IRS1: variants seen among roughly 807,000 people sequenced by gnomAD.
IRS1 encodes insulin receptor substrate 1.
A neutral mutation model predicts 65.6 loss-of-function variants in IRS1; 34 were observed. The observed-to-expected ratio is 0.52, with a 90% confidence interval of 0.39 to 0.69. IRS1 has a LOEUF of 0.69. Among genes scored for constraint, IRS1 ranks in the 30% least tolerant of loss-of-function variants. The pLI, the probability that IRS1 is intolerant of heterozygous loss-of-function variation, is 0.00. For synonymous variants in IRS1, 699 were observed against 683.5 expected (o/e 1.02, Z -0.35); for missense variants, 1,641 against 1,720.2 (o/e 0.95, Z 0.81).
In IRS1 at chr2:226,798,573, T is replaced by A; in HGVS notation, c.166A>T (p.Lys56Ter). The A allele has an allele frequency of 6.2e-7, 1 of 1,613,810 alleles. No individual in the cohort carries two copies. Among genetic ancestry groups the A allele is most frequent in the Non-Finnish European group, 8.5e-7 (1 of 1,180,002 alleles). Reference sequence around the variant, plus strand: ...ATCGAGCGTTTGGGGGCGCTCGACTTGTGCCGCCACTTCTTCTCGTTCTCG... The same window carrying A: ...ATCGAGCGTTTGGGGGCGCTCGACTAGTGCCGCCACTTCTTCTCGTTCTCG... ...YYENEKKWRH[K>*]SSAPKRSIPL... Residue 56 changes from lysine to a stop codon, truncating the protein, a stop_gained, in exon 1 of 2, where the codon AAG becomes TAG. Transcript: ENST00000305123. LOFTEE classifies it high-confidence loss of function. The surrounding 1 kb of genome is among the most constrained non-coding windows in gnomAD (Gnocchi z 9.4).
At chr2:226,770,561 AAATG>A (rs1939143190) in intron 1 of IRS1, among the ~76,000 whole-genome samples, 3 of 152,254 alleles carry the variant, frequency 2.0e-5, no homozygotes, top group Admixed American at 1.3e-4. Flanking sequence ...TTTGAGGATC[AAATG>A]AATGAACAAT....
chr2:226,784,583 C>A (rs1939452586), intron 1 of IRS1, among the ~76,000 whole-genome samples: 1 of 152,114 alleles, frequency 6.6e-6, no homozygotes, highest in African/African-American at 2.4e-5. Context: ...CCACCACGTG[C>A]AGCTAATTTT....
chr2:226,766,710 C>T (rs944523844), intron 1 of IRS1, among the ~76,000 whole-genome samples: 3 of 152,070 alleles, frequency 2.0e-5, no homozygotes, highest in African/African-American at 7.2e-5. Context: ...AGATAATAAG[C>T]AAGGGCAGAG....
intron 1 of IRS1, among the ~76,000 whole-genome samples, chr2:226,757,671 T>TTA: frequency 6.6e-6 from 1 of 152,230 alleles, no homozygotes; most frequent in Non-Finnish European, 1.5e-5. Context: ...ATGTGTTTCC[T>TTA]ACACTTATAA....
intron 1 of IRS1, among the ~76,000 whole-genome samples, chr2:226,749,901 T>C (rs78762837): frequency 0.083 from 12,568 of 152,074 alleles, 672 homozygotes; most frequent in East Asian, 0.18. Flanking sequence ...TCAAAAAGTC[T>C]CAGGCCTGGT....
Position 226,735,576 on chromosome 2 carries a change from A to G in IRS1, c.*696T>C, listed in dbSNP as rs1938309269. 1 of 152,640 alleles carries G rather than the reference A, an allele frequency of 6.6e-6. No homozygotes were observed. The highest frequency in any genetic ancestry group is 1.5e-5 in the Non-Finnish European group (1 of 68,038). The allele number at this position is 152,640 out of a possible 1,614,324, so 9.5% of individuals were successfully genotyped here. On this transcript the variant is annotated 3_prime_UTR_variant, in exon 2 of 2. Transcript: ENST00000305123. ...AGAGATAGTATCAGCAAATATAACT[A>G]TACAATTGAGAACCATCTATGGCAC...
chr2:226,793,869 G>A (rs935541014), intron 1 of IRS1, among the ~76,000 whole-genome samples: 5 of 152,154 alleles, frequency 3.3e-5, no homozygotes, highest in Admixed American at 1.3e-4. Flanking sequence ...TCAACAGAAC[G>A]AAGGGCAGGC....
chr2:226,774,056 A>T (rs903858368), intron 1 of IRS1, among the ~76,000 whole-genome samples: 2 of 152,196 alleles, frequency 1.3e-5, no homozygotes, highest in South Asian at 4.1e-4. Context: ...CTGTTCCTAC[A>T]CTACAGACCA....
At position 226,796,521 on chromosome 2, in the gene IRS1, C is replaced by G. The variant is rs778618825; in HGVS notation, c.2218G>C (p.Asp740His). 2.5e-6 allele frequency: 4 copies of G among 1,613,948 alleles called. No individual in the cohort carries two copies. The South Asian group carries it at 3.3e-5, about 13-fold the overall frequency. ...GDYMNMSPVG[D>H]SNTSSPSDCY... is the part of the protein sequence containing the mutation. Reference sequence around the variant, plus strand: ...TCGGAGGGGCTGCTGGTGTTGGAGTCCCCCACTGGTGACATGTTCATGTAG... The same window carrying G: ...TCGGAGGGGCTGCTGGTGTTGGAGTGCCCCACTGGTGACATGTTCATGTAG... The change falls in exon 1 of 2, where the codon GAC becomes CAC. Residue 740 changes from aspartate to histidine, a missense_variant. By Grantham distance (81) the Asp-to-His change is moderately conservative (BLOSUM62 -1). Coordinates refer to ENST00000305123, the MANE Select transcript of IRS1 (RefSeq NM_005544.3).
intron 1 of IRS1, among the ~76,000 whole-genome samples, chr2:226,780,166 G>A (rs1297698878): frequency 6.6e-6 from 1 of 152,180 alleles, no homozygotes; most frequent in African/African-American, 2.4e-5. Flanking sequence ...GCCGAGGCGG[G>A]CGAAACACGA....
At position 226,766,874 on chromosome 2, in the gene IRS1, A is replaced by G. The variant is rs146620158; in HGVS notation, c.*21+28115T>C. Among the ~76,000 whole-genome samples the G allele has an allele frequency of 6.8e-3, 1,031 of 152,342 alleles. 12 individuals are homozygous for G. The highest frequency in any genetic ancestry group is 0.024 in the African/African-American group (990 of 41,582). On this transcript the variant is annotated intron_variant, in intron 1 of 1. Transcript: ENST00000305123. ...TTCATCAACCCACTAGCATGCCTTC[A>G]TGAAACCATAGAGCCAGCTGTCGAG... is the stretch of plus-strand genomic sequence containing the variant.
chr2:226,777,855 C>T lies in IRS1; in HGVS notation c.*21+17134G>A, dbSNP rs900625961. Among the ~76,000 whole-genome samples, 11 of 152,262 alleles carry T rather than the reference C, an allele frequency of 7.2e-5. No homozygotes were observed. The East Asian group carries it at 9.6e-4, about 13-fold the overall frequency. ...CTTTCTTATGTAAATTGCCCAGCCTCGGGTTTGTCTTTATCAGCAGTGTGA... is the reference window on the plus strand; with the variant it reads ...CTTTCTTATGTAAATTGCCCAGCCTTGGGTTTGTCTTTATCAGCAGTGTGA... On this transcript the variant is annotated intron_variant, in intron 1 of 1. Transcript: ENST00000305123.
intron 1 of IRS1, among the ~76,000 whole-genome samples, chr2:226,759,351 C>T (rs1380169340): frequency 6.6e-6 from 1 of 152,158 alleles, no homozygotes; most frequent in Non-Finnish European, 1.5e-5. Flanking sequence ...AAATATAGTA[C>T]CAGCACTTAA....
intron 1 of IRS1, among the ~76,000 whole-genome samples, chr2:226,750,178 G>A (rs1250021507): frequency 6.6e-6 from 1 of 151,512 alleles, no homozygotes; most frequent in Non-Finnish European, 1.5e-5. Flanking sequence ...GAACCCAGGA[G>A]GCGGAGGTTG....
Position 226,794,845 on chromosome 2 carries a change from G to A in IRS1, c.*21+144C>T. 1 of 772,038 alleles carries A rather than the reference G, an allele frequency of 1.3e-6. No homozygotes were observed. The highest frequency in any genetic ancestry group is 1.8e-5 in the Admixed American group (1 of 56,162). 47.8% of individuals were successfully genotyped at this position (772,038 alleles called of 1,614,324 possible). ...TCTGCCAGATGTCAGTGTGGGGTGAGCATCTTGTGTGCCCTGAGAATGTAA... is the reference window on the plus strand; with the variant it reads ...TCTGCCAGATGTCAGTGTGGGGTGAACATCTTGTGTGCCCTGAGAATGTAA... On this transcript the variant is annotated intron_variant, in intron 1 of 1. Transcript: ENST00000305123. This position sits in a 1 kb window ranked among gnomAD's most constrained non-coding sequence, Gnocchi z 4.1.
At chr2:226,781,158 A>C (rs1410232072) in intron 1 of IRS1, among the ~76,000 whole-genome samples, 1 of 152,100 alleles carries the variant, frequency 6.6e-6, no homozygotes, top group Non-Finnish European at 1.5e-5. Context: ...ATACACTTGA[A>C]CCCAGCTAAT....
chr2:226,768,659 C>G (rs1939102313), intron 1 of IRS1, among the ~76,000 whole-genome samples: 1 of 152,194 alleles, frequency 6.6e-6, no homozygotes, highest in Non-Finnish European at 1.5e-5. Flanking sequence ...CTAAACCAAT[C>G]TAAATGCCAT....
At position 226,798,570 on chromosome 2, in the gene IRS1, A is replaced by C; in HGVS notation, c.169T>G (p.Ser57Ala). Residue 57 changes from serine to alanine, a missense_variant, in exon 1 of 2, where the codon TCG becomes GCG. Physicochemically the swap from Ser to Ala is moderately conservative, Grantham distance 99. Transcript: ENST00000305123. This position sits in a 1 kb window ranked among gnomAD's most constrained non-coding sequence, Gnocchi z 9.4. ...YENEKKWRHKSSAPKRSIPLE... is the reference protein window; with the variant it reads ...YENEKKWRHKASAPKRSIPLE... ...GGGATCGAGCGTTTGGGGGCGCTCG[A>C]CTTGTGCCGCCACTTCTTCTCGTTC... 1.2e-6 allele frequency: 2 copies of C among 1,613,796 alleles called. No individual in the cohort carries two copies. Among genetic ancestry groups the C allele is most frequent in the Non-Finnish European group, 8.5e-7 (1 of 1,180,010 alleles).
At chr2:226,748,884 C>G (rs1007117892) in intron 1 of IRS1, among the ~76,000 whole-genome samples, 2 of 152,104 alleles carry the variant, frequency 1.3e-5, no homozygotes, top group Non-Finnish European at 2.9e-5. Context: ...AAGTTGATTT[C>G]CAGGTGGTTA....
Sources: gnomAD v4.1 joint callset for allele counts (sites outside exome capture counted in the v4.1 genomes callset) on GRCh38, gnomAD v4.1.1 for gene constraint, Gnocchi (gnomAD v3.1) non-coding constraint, MANE v1.5 for transcripts, NCBI Gene and HGNC (gene_info 2026-07-23, HGNC 2026-07-21) for gene names.